Variants in TTN observed in about 807,000 individuals in gnomAD.
The protein encoded by TTN is connectin.
TTN carries 1,525 observed loss-of-function variants against 3,223.0 expected under a neutral mutation model. That is an observed-to-expected ratio of 0.47 (90% CI 0.45 to 0.49). The LOEUF (loss-of-function observed/expected upper bound fraction) is 0.49. Among genes scored for constraint, TTN ranks in the 20% least tolerant of loss-of-function variants. TTN has a pLI of 0.00. For synonymous variants in TTN, 14,094 were observed against 15,161.0 expected (o/e 0.93, Z 5.17); for missense variants, 40,786 against 43,424.0 (o/e 0.94, Z 5.40).
rs869312042 is a variant in TTN at position 178,636,123 on chromosome 2, GC to G, written c.41447del (p.Gly13816AlafsTer18). On this transcript the variant is annotated frameshift_variant, in exon 226 of 363. Transcript: ENST00000589042. LOFTEE classifies it high-confidence loss of function. The surrounding 1 kb of genome is among the most constrained non-coding windows in gnomAD (Gnocchi z 4.3). Reference protein sequence around the residue: ...KERDVVWRKDGKIVVEKPGRI... With the variant: ...KERDVVWRKDXKIVVEKPGRI... The stretch of plus-strand genomic sequence containing the variant: ...GGCCAGGTTTCTCCACCACAATCTT[GC>G]CATCCTTCCTCCAGACCACGTCACG... The G allele has an allele frequency of 6.2e-7, 1 of 1,613,122 alleles. No individual in the cohort carries two copies. The highest frequency in any genetic ancestry group is 8.5e-7 in the Non-Finnish European group (1 of 1,179,494).
At position 178,777,471 on chromosome 2, in the gene TTN, C is replaced by T; in HGVS notation, c.4594G>A (p.Ala1532Thr). The T allele has an allele frequency of 6.2e-7, 1 of 1,613,892 alleles. No homozygotes were observed. The highest frequency in any genetic ancestry group is 8.5e-7 in the Non-Finnish European group (1 of 1,179,944). Residue 1532 changes from alanine to threonine, a missense_variant, in exon 26 of 363, where the codon GCC becomes ACC. By Grantham distance (58) the Ala-to-Thr change is moderately conservative (BLOSUM62 0). Transcript: ENST00000589042. ...PSDSGEWTVV[A>T]QNRAGRSSIS... ...GAAGATCTGCCTGCCCTGTTTTGGG[C>T]AACCACAGTCCATTCCCCAGAATCA...
chr2:178,768,178 A>G, intron 38 of TTN, 23 bp from the exon 39 acceptor site: 3 of 1,613,240 alleles, frequency 1.9e-6, no homozygotes, highest in Non-Finnish European at 2.5e-6. Flanking sequence ...ATGTAGAAAA[A>G]TTAACATTTT....
Position 178,528,384 on chromosome 2 carries a change from A to G in TTN, c.107267T>C (p.Val35756Ala), listed in dbSNP as rs16866378. 0.033 allele frequency: 52,651 copies of G among 1,613,920 alleles called. 1,971 individuals carry two copies. The highest frequency in any genetic ancestry group is 0.18 in the East Asian group (7,961 of 44,878). The change falls in exon 361 of 363, where the codon GTA (valine) becomes GCA (alanine). Residue 35756 changes from valine to alanine, a missense_variant. Physicochemically the swap from Val to Ala is moderately conservative, Grantham distance 64 (BLOSUM62 0). Transcript: ENST00000589042. ...TGCATTTCGGATTTCAAGGGAGTAT[A>G]CATTTCTGGAGCGGCTTATGCTGAC... The part of the protein sequence containing the change: ...SNVSISRSRN[V>A]YSLEIRNASV...
chr2:178,615,070 A>C (rs1438080887), intron 259 of TTN, 102 bp from the exon 260 acceptor site: 4 of 1,086,084 alleles, frequency 3.7e-6, no homozygotes, highest in Non-Finnish European at 5.2e-6. Context: ...GTATAATACT[A>C]GTCTTTAAAT....
Position 178,727,070 on chromosome 2 carries a change from C to A in TTN, c.20275+20G>T. On this transcript the variant is annotated intron_variant, in intron 69 of 362. Coordinates refer to ENST00000589042, the MANE Select transcript of TTN (RefSeq NM_001267550.2). ...AAGGTGGTTTTCATTTAATGAGAAA[C>A]ACAAGAACAAGATGTCTACCTTTTA... 7.0e-7 allele frequency: 1 copy of A among 1,432,482 alleles called. No individual in the cohort carries two copies. 88.7% of individuals were successfully genotyped at this position (1,432,482 alleles called of 1,614,324 possible).
In TTN at chr2:178,547,914, G is replaced by C. The variant is rs779727282; in HGVS notation, c.93712C>G (p.Pro31238Ala). The change falls in exon 339 of 363, where the codon CCA (proline) becomes GCA (alanine). Residue 31238 changes from proline (P) to alanine (A), a missense_variant. Physicochemically the swap from Pro to Ala is conservative, Grantham distance 27. Transcript: ENST00000589042. The stretch of plus-strand genomic sequence containing the variant: ...TTGGGGGCAGGACGACCACTGATTG[G>C]TACGTCAATGGTAAATGGGCTTCCT... ...KAGSPFTIDVPISGRPAPKVT... is the reference protein window; with the variant it reads ...KAGSPFTIDVAISGRPAPKVT... 1.3e-5 allele frequency: 21 copies of C among 1,613,780 alleles called. No homozygotes were observed. In the South Asian group the frequency reaches 2.2e-4, roughly 17 times the overall value.
At position 178,730,252 on chromosome 2, in the gene TTN, T is replaced by G. The variant is rs2080195973; in HGVS notation, c.18148A>C (p.Lys6050Gln). ...PMTIKWFKDN[K>Q]ELHSGAARSV... ...CGGGCTGCTCCTGAGTGTAACTCTT[T>G]GTTATCTTTAAACCACTTTATTGTC... The change falls in exon 62 of 363, where the codon AAA (lysine) becomes CAA (glutamine). Residue 6050 changes from lysine (K) to glutamine (Q), a missense_variant. Lys to Gln is a moderately conservative substitution (Grantham distance 53). Coordinates refer to ENST00000589042, the MANE Select transcript of TTN (RefSeq NM_001267550.2). 6.2e-7 allele frequency: 1 copy of G among 1,613,352 alleles called. No individual in the cohort carries two copies. The highest frequency in any genetic ancestry group is 8.5e-7 in the Non-Finnish European group (1 of 1,179,624).
Position 178,776,789 on chromosome 2 carries a change from CCTT to C in TTN, c.5072_5074del (p.Glu1691del), listed in dbSNP as rs2092273456. ...TTGTTTCTCTTTGTCATAGAGATCA[CCTT>C]CTTCCCATTGCTCTTGGCCATATCG... On this transcript the variant is annotated inframe_deletion, in exon 28 of 363. Coordinates refer to ENST00000589042, the MANE Select transcript of TTN (RefSeq NM_001267550.2). The C allele has an allele frequency of 1.2e-6, 2 of 1,614,148 alleles. No homozygotes were observed. The highest frequency in any genetic ancestry group is 1.7e-6 in the Non-Finnish European group (2 of 1,180,002).
In TTN at chr2:178,647,134, A is replaced by T; in HGVS notation, c.40152T>A (p.Thr13384=). The T allele has an allele frequency of 4.2e-6, 6 of 1,434,746 alleles. No individual in the cohort carries two copies. The highest frequency in any genetic ancestry group is 1.5e-5 in the South Asian group (1 of 65,474). 88.9% of individuals were successfully genotyped at this position (1,434,746 alleles called of 1,614,324 possible). A position where few individuals can be genotyped will look rare whatever the true frequency, so the allele number is the denominator to read the frequency against. ...PEVPPAEVEE[T]PEEIIYEEKA... is the part of the protein sequence containing the mutation. ...TTTCTTCATATATTATTTCCTCAGG[A>T]GTCTCTTCAACTTTAAAAAACATAG... The change falls in exon 215 of 363, where the codon ACT becomes ACA. Residue 13384 remains threonine, a synonymous_variant. Coordinates refer to ENST00000589042, the MANE Select transcript of TTN (RefSeq NM_001267550.2).
chr2:178,698,131 A>C (rs1035077852), intron 112 of TTN, among the ~76,000 whole-genome samples: 2 of 152,248 alleles, frequency 1.3e-5, no homozygotes, highest in Non-Finnish European at 2.9e-5. Context: ...AAGTGAAATA[A>C]GCCAGGCACA....
In TTN at chr2:178,597,771, A is replaced by G. The variant is rs776210519; in HGVS notation, c.57311T>C (p.Val19104Ala). Reference sequence around the variant, plus strand: ...GATTCGGATCACCCCTCCAGCATGGACAACAATTCTATCTCTGACACTGGC... The same window carrying G: ...GATTCGGATCACCCCTCCAGCATGGGCAACAATTCTATCTCTGACACTGGC... ...LDASVRDRIVVHAGGVIRIIA... is the reference protein window; with the variant it reads ...LDASVRDRIVAHAGGVIRIIA... Residue 19104 changes from valine to alanine, a missense_variant, in exon 294 of 363, where the codon GTC (valine) becomes GCC (alanine). Transcript: ENST00000589042. The G allele has an allele frequency of 3.1e-6, 5 of 1,613,110 alleles. No individual in the cohort carries two copies. The highest frequency in any genetic ancestry group is 2.7e-5 in the African/African-American group (2 of 74,896).
At position 178,712,793 on chromosome 2, in the gene TTN, A is replaced by G. The variant is rs765898115; in HGVS notation, c.27232T>C (p.Leu9078=). The G allele has an allele frequency of 8.1e-6, 13 of 1,613,528 alleles. No individual in the cohort carries two copies. Among genetic ancestry groups the G allele is most frequent in the Non-Finnish European group, 1.1e-5 (13 of 1,179,698 alleles). The change falls in exon 94 of 363, where the codon TTG becomes CTG. Residue 9078 remains leucine, a synonymous_variant. Coordinates refer to ENST00000589042, the MANE Select transcript of TTN (RefSeq NM_001267550.2). ...CTTTGTGATGTATCTACATCGAACA[A>G]CTCCAGTTCAGCAACTGAATCCTCC... is the stretch of plus-strand genomic sequence containing the variant. ...SLEDSVAELE[L]FDVDTSQSGE...
intron 46 of TTN, chr2:178,753,933 C>G (rs2086265446): frequency 6.6e-6 from 1 of 152,114 alleles, no homozygotes; most frequent in African/African-American, 2.4e-5. Context: ...TAATTTGTGA[C>G]TCTCTGAGTG....
chr2:178,592,508 T>G lies in TTN; in HGVS notation c.59497A>C (p.Ile19833Leu), dbSNP rs2050442222. 1.2e-5 allele frequency: 20 copies of G among 1,613,424 alleles called. No individual in the cohort carries two copies. In the East Asian group the frequency reaches 4.5e-4, roughly 36 times the overall value. Residue 19833 changes from isoleucine to leucine, a missense_variant, in exon 301 of 363, where the codon ATT (isoleucine) becomes CTT (leucine). By Grantham distance (5) the Ile-to-Leu change is conservative. Coordinates refer to ENST00000589042, the MANE Select transcript of TTN (RefSeq NM_001267550.2). Reference protein sequence around the residue: ...EDRDAPTKARIDVTPVGSKLE... With the variant: ...EDRDAPTKARLDVTPVGSKLE... ...TTGCTACCAACTGGAGTCACATCAA[T>G]TCTTGCTTTAGTTGGAGCATCTCTG...
chr2:178,774,450 C>T lies in TTN; in HGVS notation c.6814G>A (p.Glu2272Lys). The T allele has an allele frequency of 6.2e-7, 1 of 1,612,982 alleles. No individual in the cohort carries two copies. The highest frequency in any genetic ancestry group is 8.5e-7 in the Non-Finnish European group (1 of 1,179,918). Reference protein sequence around the residue: ...VEGAVVEFVKELQDIEVPESY... With the variant: ...VEGAVVEFVKKLQDIEVPESY... ...TCTGGAACTTCTATGTCCTGAAGTT[C>T]TTTCACAAACTCAACAACTGCACCT... Residue 2272 changes from glutamate to lysine, a missense_variant, in exon 30 of 363, where the codon GAA becomes AAA. By Grantham distance (56) the Glu-to-Lys change is moderately conservative (BLOSUM62 1). Transcript: ENST00000589042.
Position 178,597,856 on chromosome 2 carries a change from C to T in TTN, c.57263-37G>A, listed in dbSNP as rs548108961. The T allele has an allele frequency of 9.3e-6, 15 of 1,612,338 alleles. No individual in the cohort carries two copies. The South Asian group carries it at 1.5e-4, about 17-fold the overall frequency. On this transcript the variant is annotated intron_variant, in intron 293 of 362. Transcript: ENST00000589042. ...TGAAAATTACAAATGTGATTTTTCC[C>T]CTTCAATCTGAAACATAAATACTGA... is the stretch of plus-strand genomic sequence containing the variant.
chr2:178,750,214 C>T, intron 47 of TTN: 2 of 1,613,162 alleles, frequency 1.2e-6, no homozygotes, highest in South Asian at 2.2e-5. Flanking sequence ...CTTGGTCAAA[C>T]ACCAATGCTA....
At chr2:178,627,515 T>C (rs1363653192) in intron 240 of TTN, among the ~76,000 whole-genome samples, 1 of 151,978 alleles carries the variant, frequency 6.6e-6, no homozygotes, top group Non-Finnish European at 1.5e-5. Flanking sequence ...ATTTAAGTAA[T>C]GCAAGAGCAA....
Position 178,602,425 on chromosome 2 carries a change from T to C in TTN, c.54977A>G (p.Asp18326Gly). The C allele has an allele frequency of 6.2e-7, 1 of 1,612,724 alleles. No homozygotes were observed. Among genetic ancestry groups the C allele is most frequent in the South Asian group, 1.1e-5 (1 of 91,040 alleles). Residue 18326 changes from aspartate to glycine, a missense_variant, in exon 283 of 363, where the codon GAC becomes GGC. By Grantham distance (94) the Asp-to-Gly change is moderately conservative. Transcript: ENST00000589042. ...ACATTCACAGGTAGTTATAAGTTTG[T>C]CTGGTTCATTTACTCTTTTCCAGTC... is the stretch of plus-strand genomic sequence containing the variant. ...TTDWKRVNEPDKLITTCECVV... is the reference protein window; with the variant it reads ...TTDWKRVNEPGKLITTCECVV...
Sources: gnomAD v4.1 joint callset for allele counts (sites outside exome capture counted in the v4.1 genomes callset) on GRCh38, gnomAD v4.1.1 for gene constraint, Gnocchi (gnomAD v3.1) non-coding constraint, MANE v1.5 for transcripts, NCBI Gene and HGNC (gene_info 2026-07-23, HGNC 2026-07-21) for gene names.